Variants in WDR27 observed in about 807,000 individuals in gnomAD.
WDR27 encodes the protein WD repeat-containing protein 27.
Under a neutral mutation model 114.4 loss-of-function variants are expected in WDR27, and 100 were observed. That is an observed-to-expected ratio of 0.87 (90% CI 0.74 to 1.03). WDR27 has a LOEUF of 1.03. WDR27 is among the 50% of genes least tolerant of loss of function. The probability of loss-of-function intolerance (pLI) is 0.00; values close to 1 mark genes in which losing one functional copy is unlikely to be tolerated. For synonymous variants in WDR27, 449 were observed against 423.1 expected (o/e 1.06, Z -0.75); for missense variants, 1,129 against 1,092.9 (o/e 1.03, Z -0.47).
intron 23 of WDR27, among the ~76,000 whole-genome samples, chr6:169,590,116 C>T (rs1487088159): frequency 1.3e-5 from 2 of 152,160 alleles, no homozygotes; most frequent in Admixed American, 6.5e-5. Context: ...AGGACTACAC[C>T]GATTCATTAC....
At chr6:169,504,248 A>G (rs1791719579) in intron 25 of WDR27, among the ~76,000 whole-genome samples, 1 of 152,238 alleles carries the variant, frequency 6.6e-6, no homozygotes, top group Non-Finnish European at 1.5e-5. Context: ...CTTCTGTGTT[A>G]GATGAATGTA....
At chr6:169,680,417 C>A (rs901974298) in intron 2 of WDR27, among the ~76,000 whole-genome samples, 1 of 152,100 alleles carries the variant, frequency 6.6e-6, no homozygotes. Context: ...CCTGTCTCTA[C>A]TAAAAATACA....
intron 25 of WDR27, among the ~76,000 whole-genome samples, chr6:169,518,152 G>A (rs536083016): frequency 1.3e-5 from 2 of 152,296 alleles, no homozygotes; most frequent in African/African-American, 4.8e-5. Flanking sequence ...CTGAGTACCT[G>A]CAGCTTTTCT....
chr6:169,679,720 G>A (rs1781012929), intron 2 of WDR27, among the ~76,000 whole-genome samples: 1 of 152,140 alleles, frequency 6.6e-6, no homozygotes. Context: ...GCAGACGTTG[G>A]TGTCATGCTT....
At chr6:169,672,556 C>A (rs1224017472) in intron 2 of WDR27, among the ~76,000 whole-genome samples, 160 bp from the exon 3 acceptor site, 2 of 152,188 alleles carry the variant, frequency 1.3e-5, no homozygotes, top group African/African-American at 4.8e-5. Flanking sequence ...CTGCTATGTA[C>A]TACTAAATTA....
intron 22 of WDR27, among the ~76,000 whole-genome samples, chr6:169,606,470 A>G (rs928133367): frequency 4.0e-5 from 6 of 151,618 alleles, no homozygotes; most frequent in African/African-American, 1.5e-4. Context: ...TCCTCTCCTT[A>G]CTCCGCTGAC....
chr6:169,545,537 T>C (rs1227091263), intron 25 of WDR27, among the ~76,000 whole-genome samples: 7 of 151,970 alleles, frequency 4.6e-5, no homozygotes, highest in Non-Finnish European at 2.9e-5. Flanking sequence ...CAAAAATTAG[T>C]GCAGCGTGGT....
intron 17 of WDR27, among the ~76,000 whole-genome samples, chr6:169,639,910 G>T (rs892239726): frequency 1.3e-5 from 2 of 152,198 alleles, no homozygotes; most frequent in Non-Finnish European, 2.9e-5. Context: ...CCAGGGATGC[G>T]CTTCTTCTCA....
At chr6:169,512,911 C>T (rs886183031) in intron 25 of WDR27, among the ~76,000 whole-genome samples, 4 of 151,986 alleles carry the variant, frequency 2.6e-5, no homozygotes, top group African/African-American at 9.7e-5. Context: ...ACAGTGATGC[C>T]AAAACATGTA....
intron 21 of WDR27, among the ~76,000 whole-genome samples, chr6:169,624,819 G>GA (rs1240755691): frequency 1.3e-5 from 2 of 152,170 alleles, no homozygotes; most frequent in African/African-American, 4.8e-5. Flanking sequence ...CCCATGGGAT[G>GA]AAAAATTCGA....
chr6:169,553,697 C>T lies in WDR27; in HGVS notation c.2645+18722G>A, dbSNP rs571449909. Among the ~76,000 whole-genome samples the T allele has an allele frequency of 4.6e-5, 7 of 152,276 alleles. 1 individual carries two copies. The Middle Eastern group carries it at 0.014, about 296-fold the overall frequency. ...AATTGATATTTTTATGTGAACATTACGACCTGCTAGAAGAGCATAACATGC... is the reference window on the plus strand; with the variant it reads ...AATTGATATTTTTATGTGAACATTATGACCTGCTAGAAGAGCATAACATGC... On this transcript the variant is annotated intron_variant, in intron 25 of 25. Transcript: ENST00000448612.
intron 25 of WDR27, among the ~76,000 whole-genome samples, chr6:169,561,341 A>C (rs946607352): frequency 6.6e-6 from 1 of 152,160 alleles, no homozygotes; most frequent in Non-Finnish European, 1.5e-5. Flanking sequence ...CCATCATCTT[A>C]AGAGAGAGGC....
At chr6:169,590,368 A>T (rs556354268) in intron 23 of WDR27, among the ~76,000 whole-genome samples, 1 of 152,274 alleles carries the variant, frequency 6.6e-6, no homozygotes, top group Non-Finnish European at 1.5e-5. Context: ...TTTTGAAAAT[A>T]ATTCCAGAAA....
intron 6 of WDR27, chr6:169,666,750 G>A (rs980808637): frequency 5.0e-6 from 5 of 994,178 alleles, no homozygotes; most frequent in South Asian, 4.7e-5. Context: ...CAGGTGTGGC[G>A]CACGCCCAAG....
At chr6:169,641,983 T>C (rs1584824822) in intron 17 of WDR27, among the ~76,000 whole-genome samples, 1 of 152,356 alleles carries the variant, frequency 6.6e-6, no homozygotes, top group Admixed American at 6.5e-5. Flanking sequence ...CAATTTTTGA[T>C]AGGAAAAATT....
chr6:169,690,450 C>A (rs1784193511), intron 1 of WDR27, among the ~76,000 whole-genome samples: 1 of 152,190 alleles, frequency 6.6e-6, no homozygotes, highest in East Asian at 1.9e-4. Context: ...CACACTTTAT[C>A]TTCATGTTCC....
chr6:169,661,356 C>T (rs1407698373), intron 9 of WDR27, among the ~76,000 whole-genome samples: 5 of 152,198 alleles, frequency 3.3e-5, no homozygotes, highest in Admixed American at 1.3e-4. Flanking sequence ...GTAGCTGGCC[C>T]GAGGCGGCAG....
chr6:169,623,823 G>A (rs985564508), intron 21 of WDR27, among the ~76,000 whole-genome samples: 8 of 152,136 alleles, frequency 5.3e-5, no homozygotes, highest in African/African-American at 9.7e-5. Flanking sequence ...TCCTCCCAAC[G>A]GCTACTCAGT....
In WDR27 at chr6:169,688,789, G is replaced by A. The variant is rs183976544; in HGVS notation, c.189+28C>T. Reference sequence around the variant, plus strand: ...GGAGAGACAAGGGCAAGGCCTTCATGACACTGGACATGTAACTCGTTCAAT... The same window carrying A: ...GGAGAGACAAGGGCAAGGCCTTCATAACACTGGACATGTAACTCGTTCAAT... On this transcript the variant is annotated intron_variant, in intron 2 of 25. Coordinates refer to ENST00000448612, the MANE Select transcript of WDR27 (RefSeq NM_182552.5). The A allele has an allele frequency of 9.0e-6, 14 of 1,547,814 alleles. No homozygotes were observed. The African/African-American group carries it at 1.6e-4, about 18-fold the overall frequency.
Sources: allele counts gnomAD v4.1 joint callset (sites outside exome capture counted in the v4.1 genomes callset), GRCh38; gene constraint gnomAD v4.1.1; transcripts MANE v1.5; gene names NCBI Gene and HGNC (gene_info 2026-07-23, HGNC 2026-07-21).